ENTREP2: variants seen among roughly 807,000 people sequenced by gnomAD.
The protein encoded by ENTREP2 is protein ENTREP2.
the ENTREP2 span, among the ~76,000 whole-genome samples, chr15:29,437,055 C>T: frequency 1.3e-5 from 2 of 152,196 alleles, no homozygotes; most frequent in Admixed American, 6.5e-5. Flanking sequence ...GTCTTTTAGA[C>T]GTTACATTCC....
chr15:29,625,138 T>C, the ENTREP2 span, among the ~76,000 whole-genome samples: 1 of 152,188 alleles, frequency 6.6e-6, no homozygotes, highest in African/African-American at 2.4e-5. Context: ...AAAAACCATT[T>C]CAAATTGGCT....
At chr15:29,493,142 T>C in the ENTREP2 span, among the ~76,000 whole-genome samples, 23 of 104,592 alleles carry the variant, frequency 2.2e-4, no homozygotes, top group African/African-American at 8.2e-4. Flanking sequence ...TTTTTTTTTT[T>C]TTTTTTTTTG....
chr15:29,541,106 C>T, the ENTREP2 span, among the ~76,000 whole-genome samples: 4 of 152,154 alleles, frequency 2.6e-5, no homozygotes, highest in Non-Finnish European at 4.4e-5. Flanking sequence ...AGGTATTCAC[C>T]GGGTCTGCAC....
chr15:29,300,078 T>C, the ENTREP2 span, among the ~76,000 whole-genome samples: 2 of 150,376 alleles, frequency 1.3e-5, no homozygotes, highest in East Asian at 2.0e-4. Context: ...GGTGGACAGA[T>C]GGATGGGTAA....
the ENTREP2 span, among the ~76,000 whole-genome samples, chr15:29,309,107 G>C: frequency 6.6e-6 from 1 of 152,114 alleles, no homozygotes; most frequent in Non-Finnish European, 1.5e-5. Context: ...AATCTGTCTT[G>C]TGTCAATTTA....
the ENTREP2 span, among the ~76,000 whole-genome samples, chr15:29,623,994 T>A: frequency 3.3e-5 from 5 of 152,180 alleles, no homozygotes; most frequent in Admixed American, 3.3e-4. Flanking sequence ...TGCCTCGGCC[T>A]CCCAAAGTGC....
the ENTREP2 span, among the ~76,000 whole-genome samples, chr15:29,477,815 G>A: frequency 1.3e-5 from 2 of 151,898 alleles, no homozygotes; most frequent in African/African-American, 2.4e-5. Context: ...GAGCGTTCCC[G>A]AGGTGCACGT....
the ENTREP2 span, among the ~76,000 whole-genome samples, chr15:29,321,544 G>A: frequency 6.6e-6 from 1 of 151,704 alleles, no homozygotes; most frequent in Non-Finnish European, 1.5e-5. Context: ...AGGTACTCGG[G>A]AGGCTGAGGC....
chr15:29,255,818 G>A, the ENTREP2 span, among the ~76,000 whole-genome samples: 151,648 of 152,054 alleles, frequency 1, 75,623 homozygotes, highest in Middle Eastern at 1. Flanking sequence ...TGGCTAACAC[G>A]GTGAAACCCT....
the ENTREP2 span, among the ~76,000 whole-genome samples, chr15:29,477,792 T>C: frequency 6.6e-6 from 1 of 151,902 alleles, no homozygotes; most frequent in African/African-American, 2.4e-5. Context: ...GTGGGTGTAC[T>C]TCACGTGGGC....
chr15:29,311,553 G>A, the ENTREP2 span, among the ~76,000 whole-genome samples: 1 of 152,136 alleles, frequency 6.6e-6, no homozygotes, highest in Non-Finnish European at 1.5e-5. Context: ...AGCAGGGTGT[G>A]GTGGTGCACA....
chr15:29,139,549 A>G, the ENTREP2 span, among the ~76,000 whole-genome samples: 2 of 152,338 alleles, frequency 1.3e-5, no homozygotes, highest in South Asian at 4.1e-4. Flanking sequence ...TGCAGACACC[A>G]AAACACTTTC....
the ENTREP2 span, among the ~76,000 whole-genome samples, chr15:29,210,531 G>C: frequency 3.9e-5 from 6 of 152,318 alleles, no homozygotes; most frequent in Non-Finnish European, 7.3e-5. Flanking sequence ...TTCCTATTGT[G>C]AACTGTGCAT....
chr15:29,458,064 C>T, the ENTREP2 span, among the ~76,000 whole-genome samples: 1 of 152,088 alleles, frequency 6.6e-6, no homozygotes, highest in African/African-American at 2.4e-5. Flanking sequence ...CACACAATTA[C>T]AGAAGCTGAG....
the ENTREP2 span, among the ~76,000 whole-genome samples, chr15:29,420,672 A>G: frequency 6.6e-6 from 1 of 152,224 alleles, no homozygotes; most frequent in South Asian, 2.1e-4. Context: ...AGGCCAATAT[A>G]TAGTGGCCAC....
the ENTREP2 span, among the ~76,000 whole-genome samples, chr15:29,661,621 T>G: frequency 6.6e-6 from 1 of 152,146 alleles, no homozygotes. Flanking sequence ...TATGTAACAT[T>G]AGGTTGACTG....
chr15:29,566,358 A>G, the ENTREP2 span, among the ~76,000 whole-genome samples: 4 of 151,356 alleles, frequency 2.6e-5, no homozygotes, highest in African/African-American at 7.3e-5. Context: ...TAGAGACAGG[A>G]TTCCACCATG....
chr15:29,526,322 C>T, the ENTREP2 span, among the ~76,000 whole-genome samples: 1 of 152,162 alleles, frequency 6.6e-6, no homozygotes, highest in African/African-American at 2.4e-5. Context: ...TCCCCTCACG[C>T]TTCTCAAAGA....
the ENTREP2 span, among the ~76,000 whole-genome samples, chr15:29,495,249 T>A: frequency 6.6e-6 from 1 of 152,232 alleles, no homozygotes; most frequent in Non-Finnish European, 1.5e-5. Context: ...AGGTGGGAGA[T>A]CACATCTCAT....
Sources: allele counts gnomAD v4.1 joint callset (sites outside exome capture counted in the v4.1 genomes callset), GRCh38; gene constraint gnomAD v4.1.1; transcripts MANE v1.5; gene names NCBI Gene and HGNC (gene_info 2026-07-23, HGNC 2026-07-21).